RALGPS1: variants seen among roughly 807,000 people sequenced by gnomAD.
RALGPS1 encodes the protein ras-specific guanine nucleotide-releasing factor RalGPS1.
In RALGPS1, 19 loss-of-function variants were observed where a neutral mutation model predicts 78.8. That is an observed-to-expected ratio of 0.24 (90% CI 0.17 to 0.35). The LOEUF (loss-of-function observed/expected upper bound fraction) is 0.35, where lower values mean the gene tolerates loss of function less well. RALGPS1 is among the 10% of genes least tolerant of loss of function. The probability of loss-of-function intolerance (pLI) is 1.00; values close to 1 mark genes in which losing one functional copy is unlikely to be tolerated. For synonymous variants in RALGPS1, 228 were observed against 256.3 expected, an observed-to-expected ratio of 0.89 and a Z score of 1.06; for missense variants, 454 against 688.3, an observed-to-expected ratio of 0.66 and a Z score of 3.81.
At chr9:126,955,046 T>G (rs1252565649) in intron 1 of RALGPS1, among the ~76,000 whole-genome samples, 2 of 152,248 alleles carry the variant, frequency 1.3e-5, no homozygotes, top group Non-Finnish European at 2.9e-5. Context: ...TCCCACTGGT[T>G]TGTATGGCTG....
intron 8 of RALGPS1, chr9:127,093,769 G>A (rs2052770426): frequency 6.2e-7 from 1 of 1,613,916 alleles, no homozygotes; most frequent in South Asian, 1.1e-5. Context: ...AGTTAACAGA[G>A]CCATCCAGGC....
intron 1 of RALGPS1, among the ~76,000 whole-genome samples, chr9:126,949,381 T>A (rs777679): frequency 0.2 from 30,644 of 152,014 alleles, 3,863 homozygotes; most frequent in East Asian, 0.44. Context: ...CCCTGAGGAA[T>A]CGCCACACTG....
chr9:127,088,861 T>A (rs981399538), intron 8 of RALGPS1: 8 of 1,532,188 alleles, frequency 5.2e-6, no homozygotes, highest in Non-Finnish European at 7.2e-6. Context: ...TGGTGAGGAG[T>A]TGTTCTTTGT....
intron 8 of RALGPS1, among the ~76,000 whole-genome samples, chr9:127,100,583 A>G (rs546795937): frequency 6.6e-6 from 1 of 152,344 alleles, no homozygotes; most frequent in East Asian, 1.9e-4. Flanking sequence ...GGCAGTGGCC[A>G]GTTGTACCCA....
chr9:126,993,835 A>G (rs1163955527), intron 4 of RALGPS1, among the ~76,000 whole-genome samples: 3 of 152,168 alleles, frequency 2.0e-5, no homozygotes, highest in Non-Finnish European at 4.4e-5. Context: ...CAAAACTTCC[A>G]GAGGAACGAT....
At chr9:126,948,961 C>T (rs1300303460) in intron 1 of RALGPS1, among the ~76,000 whole-genome samples, 1 of 151,504 alleles carries the variant, frequency 6.6e-6, no homozygotes. Context: ...TGCTATCCCT[C>T]CCCCCTACCC....
At chr9:126,966,503 A>G (rs1284296365) in intron 3 of RALGPS1, among the ~76,000 whole-genome samples, 2 of 149,808 alleles carry the variant, frequency 1.3e-5, no homozygotes, top group Admixed American at 1.3e-4. Context: ...CCTGGGTGAC[A>G]GAGGAAAACC....
At chr9:127,106,325 T>C (rs2054211344) in intron 8 of RALGPS1, among the ~76,000 whole-genome samples, 1 of 152,216 alleles carries the variant, frequency 6.6e-6, no homozygotes, top group Admixed American at 6.5e-5. Context: ...TCAGAGCTTC[T>C]GATTTAAAGC....
intron 7 of RALGPS1, among the ~76,000 whole-genome samples, chr9:127,061,735 T>G (rs1403721435): frequency 6.6e-6 from 1 of 152,208 alleles, no homozygotes; most frequent in Non-Finnish European, 1.5e-5. Flanking sequence ...TAATAGAGTT[T>G]GTTCTTCCCC....
intron 8 of RALGPS1, among the ~76,000 whole-genome samples, chr9:127,161,274 A>G (rs1480189340): frequency 6.6e-6 from 1 of 152,200 alleles, no homozygotes; most frequent in Non-Finnish European, 1.5e-5. Context: ...TGCTGCTTCA[A>G]ATAGGGCCAG....
intron 2 of RALGPS1, among the ~76,000 whole-genome samples, chr9:126,964,722 C>G (rs1445813863): frequency 6.7e-6 from 1 of 150,364 alleles, no homozygotes; most frequent in African/African-American, 2.4e-5. Flanking sequence ...ACAGGCCTAT[C>G]GAAATCTGCA....
Position 127,046,757 on chromosome 9 carries a change from C to G in RALGPS1, c.301-3286C>G, listed in dbSNP as rs77811182. On this transcript the variant is annotated intron_variant, in intron 5 of 18. Coordinates refer to ENST00000259351, the MANE Select transcript of RALGPS1 (RefSeq NM_014636.3). ...TGACAGGCTGAGGTGGGAGGATACT[C>G]AAGCCCAGGAGTTTGAGGTTGGAAG... is the stretch of plus-strand genomic sequence containing the variant. Among the ~76,000 whole-genome samples, 1,072 of 149,118 alleles carry G rather than the reference C, an allele frequency of 7.2e-3. 14 individuals are homozygous for G. Among genetic ancestry groups the G allele is most frequent in the African/African-American group, 0.026 (1,040 of 40,692 alleles).
At chr9:126,938,126 C>T (rs546493) in intron 1 of RALGPS1, among the ~76,000 whole-genome samples, 4 of 152,152 alleles carry the variant, frequency 2.6e-5, no homozygotes, top group African/African-American at 7.2e-5. Context: ...TGCAAAACGT[C>T]GTACATACAA....
intron 13 of RALGPS1, 29 bp downstream of exon 13, chr9:127,196,660 G>A: frequency 1.3e-6 from 2 of 1,553,544 alleles, no homozygotes; most frequent in Non-Finnish European, 8.7e-7. Context: ...CACATGATAG[G>A]CTGGTGGGCT....
intron 18 of RALGPS1, chr9:127,216,106 C>T (rs2062564154): frequency 6.6e-6 from 1 of 152,226 alleles, no homozygotes; most frequent in Admixed American, 6.5e-5. Context: ...CCTGGTCCCT[C>T]CAAGTGGTTC....
chr9:127,097,380 A>G (rs1050135795), intron 8 of RALGPS1, among the ~76,000 whole-genome samples: 1 of 152,270 alleles, frequency 6.6e-6, no homozygotes, highest in African/African-American at 2.4e-5. Flanking sequence ...AAAAATGTGC[A>G]TATGTGTCTG....
chr9:127,174,584 G>C, intron 10 of RALGPS1, 131 bp from the exon 11 acceptor site: 1 of 785,228 alleles, frequency 1.3e-6, no homozygotes, highest in South Asian at 1.5e-5. Context: ...TCAGAGGGAA[G>C]TGACTGTGAT....
intron 4 of RALGPS1, among the ~76,000 whole-genome samples, chr9:127,013,872 G>T (rs1326357618): frequency 6.6e-6 from 1 of 152,158 alleles, no homozygotes; most frequent in African/African-American, 2.4e-5. Flanking sequence ...TCTGCTCTCT[G>T]CCTGGCATGC....
intron 8 of RALGPS1, among the ~76,000 whole-genome samples, chr9:127,155,312 C>G (rs1255139921): frequency 1.3e-5 from 2 of 152,184 alleles, no homozygotes; most frequent in South Asian, 4.1e-4. Context: ...GGATAAGGCA[C>G]AGCCCTTGCC....
Sources: allele counts gnomAD v4.1 joint callset (sites outside exome capture counted in the v4.1 genomes callset), GRCh38; gene constraint gnomAD v4.1.1; transcripts MANE v1.5; gene names NCBI Gene and HGNC (gene_info 2026-07-23, HGNC 2026-07-21).